USP47: variants seen among roughly 807,000 people sequenced by gnomAD.
USP47 encodes ubiquitin specific peptidase 47, also known as ubiquitin carboxyl-terminal hydrolase 47.
USP47 carries 35 observed loss-of-function variants against 165.1 expected under a neutral mutation model. That is an observed-to-expected ratio of 0.21 (90% confidence interval 0.16 to 0.28). USP47 has a LOEUF of 0.28. Among genes scored for constraint, USP47 ranks in the 10% least tolerant of loss-of-function variants. USP47 has a pLI of 1.00. For synonymous variants in USP47, 531 were observed against 544.5 expected (o/e 0.98, Z 0.35); for missense variants, 1,277 against 1,607.4 (o/e 0.79, Z 3.52).
At position 11,894,886 on chromosome 11, in the gene USP47, A is replaced by G. The variant is rs1003429879; in HGVS notation, c.497-2711A>G. Reference sequence around the variant, plus strand: ...AGTACTACTGGCACCACTTCTAGCAATTTTGCATATTTTTATCTTATCTTT... The same window carrying G: ...AGTACTACTGGCACCACTTCTAGCAGTTTTGCATATTTTTATCTTATCTTT... On this transcript the variant is annotated intron_variant, in intron 4 of 27. Coordinates refer to ENST00000527733, the MANE Select transcript of USP47 (RefSeq NM_001282659.2). Among the ~76,000 whole-genome samples, 4 of 150,926 alleles carry G rather than the reference A, an allele frequency of 2.7e-5. No homozygotes were observed. In the South Asian group the frequency reaches 6.2e-4, roughly 23 times the overall value.
At chr11:11,868,279 C>G (rs1849811531) in intron 1 of USP47, among the ~76,000 whole-genome samples, 1 of 152,180 alleles carries the variant, frequency 6.6e-6, no homozygotes, top group Non-Finnish European at 1.5e-5. Context: ...AGTAACCACA[C>G]TCACTTCCCT....
rs370454937 is a variant in USP47 at position 11,960,451 on chromosome 11, G to A, written c.*4276G>A. On this transcript the variant is annotated 3_prime_UTR_variant, in exon 28 of 28. Coordinates refer to ENST00000527733, the MANE Select transcript of USP47 (RefSeq NM_001282659.2). Reference sequence around the variant, plus strand: ...GTGTCTTGCCAGCCTCCTGCTGGCAGACACTTCTCTGCAGTGAATACCACT... The same window carrying A: ...GTGTCTTGCCAGCCTCCTGCTGGCAAACACTTCTCTGCAGTGAATACCACT... Among the ~76,000 whole-genome samples the A allele has an allele frequency of 6.6e-5, 10 of 152,154 alleles. No individual in the cohort carries two copies. The highest frequency in any genetic ancestry group is 1.0e-4 in the Non-Finnish European group (7 of 68,028).
chr11:11,904,273 A>G (rs1852405724), intron 7 of USP47, among the ~76,000 whole-genome samples: 1 of 152,220 alleles, frequency 6.6e-6, no homozygotes, highest in Non-Finnish European at 1.5e-5. Flanking sequence ...ACAATCACAT[A>G]TGACTGACGC....
chr11:11,903,219 A>G, intron 6 of USP47, 44 bp from the exon 7 acceptor site: 1 of 1,560,006 alleles, frequency 6.4e-7, no homozygotes, highest in Non-Finnish European at 8.7e-7. Flanking sequence ...GTTTCATTAC[A>G]TAAAGTTTAT....
Position 11,960,783 on chromosome 11 carries a change from AG to A in USP47, c.*4609del, listed in dbSNP as rs894504266. Among the ~76,000 whole-genome samples, 118 of 152,366 alleles carry A rather than the reference AG, an allele frequency of 7.7e-4. 1 individual carries two copies. Among genetic ancestry groups the A allele is most frequent in the African/African-American group, 2.7e-3 (113 of 41,586 alleles). On this transcript the variant is annotated 3_prime_UTR_variant, in exon 28 of 28. Coordinates refer to ENST00000527733, the MANE Select transcript of USP47 (RefSeq NM_001282659.2). ...TAGAAACCAAGCATAGCTATCAAAAAGTAATCTCCAAATAGTTGAATTGCAT... is the reference window on the plus strand; with the variant it reads ...TAGAAACCAAGCATAGCTATCAAAAATAATCTCCAAATAGTTGAATTGCAT...
intron 10 of USP47, 78 bp downstream of exon 10, chr11:11,920,572 A>G: frequency 4.5e-6 from 6 of 1,333,752 alleles, no homozygotes; most frequent in Non-Finnish European, 5.0e-6. Flanking sequence ...TGTTTGAGGT[A>G]ATAACACTGA....
At chr11:11,918,305 T>G (rs1853576849) in intron 8 of USP47, among the ~76,000 whole-genome samples, 1 of 152,060 alleles carries the variant, frequency 6.6e-6, no homozygotes, top group Non-Finnish European at 1.5e-5. Context: ...AAAGGCAAAC[T>G]CTGGAATGCC....
intron 1 of USP47, among the ~76,000 whole-genome samples, chr11:11,865,833 A>C (rs1292408787): frequency 1.3e-5 from 2 of 151,774 alleles, no homozygotes; most frequent in Non-Finnish European, 2.9e-5. Context: ...TTCTTTGGAG[A>C]AATGTTTAAG....
chr11:11,848,488 C>G (rs1848547399), intron 1 of USP47, among the ~76,000 whole-genome samples: 1 of 152,166 alleles, frequency 6.6e-6, no homozygotes, highest in Non-Finnish European at 1.5e-5. Flanking sequence ...CTTTATATGG[C>G]ACATGACTAT....
intron 11 of USP47, among the ~76,000 whole-genome samples, chr11:11,925,580 T>C (rs1017083621): frequency 9.2e-5 from 14 of 152,102 alleles, no homozygotes; most frequent in Admixed American, 9.2e-4. Flanking sequence ...TGCAACAGAT[T>C]TGTGTGTGTG....
At chr11:11,872,260 T>G (rs1850116053) in intron 1 of USP47, among the ~76,000 whole-genome samples, 1 of 152,198 alleles carries the variant, frequency 6.6e-6, no homozygotes, top group Non-Finnish European at 1.5e-5. Context: ...CAGTGGCTGC[T>G]TGGCTTCCTT....
At chr11:11,922,974 A>T (rs1192344003) in intron 11 of USP47, 83 bp downstream of exon 11, 2 of 1,280,760 alleles carry the variant, frequency 1.6e-6, no homozygotes, top group Non-Finnish European at 2.1e-6. Context: ...GTTGTGACTG[A>T]TAAAGTTATC....
intron 1 of USP47, among the ~76,000 whole-genome samples, chr11:11,860,994 C>T (rs137932119): frequency 6.6e-6 from 1 of 152,304 alleles, no homozygotes; most frequent in South Asian, 2.1e-4. Context: ...TCAAATGTGA[C>T]GTTGGGCAGG....
chr11:11,948,423 T>C, intron 21 of USP47, 55 bp from the exon 22 acceptor site: 5 of 1,453,292 alleles, frequency 3.4e-6, no homozygotes, highest in South Asian at 2.3e-5. Flanking sequence ...GGGATGAGAA[T>C]GGGTTGTTTA....
intron 3 of USP47, among the ~76,000 whole-genome samples, chr11:11,890,646 A>G (rs1851453357): frequency 6.6e-6 from 1 of 152,224 alleles, no homozygotes; most frequent in Non-Finnish European, 1.5e-5. Flanking sequence ...TTGACCCAGC[A>G]GTCCCATTAC....
At chr11:11,878,447 T>C (rs1012702030) in intron 1 of USP47, among the ~76,000 whole-genome samples, 1 of 152,206 alleles carries the variant, frequency 6.6e-6, no homozygotes, top group Non-Finnish European at 1.5e-5. Context: ...ATTTACTCTT[T>C]CATCATAAAC....
rs370125444 is a variant in USP47, at chr11:11,935,293, C to T, written c.1870-1010C>T. Among the ~76,000 whole-genome samples, 17 of 152,076 alleles carry T rather than the reference C, an allele frequency of 1.1e-4. No homozygotes were observed. The South Asian group carries it at 2.3e-3, about 20-fold the overall frequency. ...TGCTCACAGTTTTATTTTTAGTACT[C>T]TTCCCTGGTATATAGAATAGTCAAA... is the stretch of plus-strand genomic sequence containing the variant. On this transcript the variant is annotated intron_variant, in intron 16 of 27. Transcript: ENST00000527733.
At chr11:11,870,306 G>A (rs890449631) in intron 1 of USP47, among the ~76,000 whole-genome samples, 4 of 151,184 alleles carry the variant, frequency 2.6e-5, no homozygotes, top group Non-Finnish European at 5.9e-5. Flanking sequence ...ACCCTACCCT[G>A]TTTATAATTG....
intron 1 of USP47, among the ~76,000 whole-genome samples, chr11:11,866,813 A>G (rs541923999): frequency 1.3e-5 from 2 of 151,812 alleles, no homozygotes; most frequent in South Asian, 2.1e-4. Context: ...ACTTTTTCCT[A>G]TTGACAAATT....
Sources: gnomAD v4.1 joint callset for allele counts (sites outside exome capture counted in the v4.1 genomes callset) on GRCh38, gnomAD v4.1.1 for gene constraint, MANE v1.5 for transcripts, NCBI Gene and HGNC (gene_info 2026-07-23, HGNC 2026-07-21) for gene names.